The following PTPRD variants were observed in gnomAD, a reference collection of about 807,000 sequenced individuals.
PTPRD encodes the protein protein tyrosine phosphatase receptor type D.
Under a neutral mutation model 214.5 loss-of-function variants are expected in PTPRD, and 34 were observed. The ratio of observed to expected loss-of-function variants is 0.16; its 90% CI spans 0.12 to 0.21. The LOEUF (loss-of-function observed/expected upper bound fraction) is 0.21. Among genes scored for constraint, PTPRD ranks in the 10% least tolerant of loss-of-function variants. PTPRD has a pLI of 1.00. For synonymous variants in PTPRD, 1,128 were observed against 845.7 expected, an observed-to-expected ratio of 1.33 and a Z score of -5.79; for missense variants, 2,545 against 2,398.7, an observed-to-expected ratio of 1.06 and a Z score of -1.27.
chr9:9,638,413 A>G (rs1009469778), intron 7 of PTPRD, among the ~76,000 whole-genome samples: 1 of 152,230 alleles, frequency 6.6e-6, no homozygotes, highest in East Asian at 1.9e-4. Context: ...TTGCCACTTT[A>G]TAACTAGAAT....
intron 7 of PTPRD, among the ~76,000 whole-genome samples, chr9:9,604,665 C>T (rs2094022932): frequency 6.6e-6 from 1 of 152,062 alleles, no homozygotes; most frequent in African/African-American, 2.4e-5. Context: ...TTGAGTTTTA[C>T]ATAGCTCGTT....
rs2099431542 is a variant in PTPRD, at chr9:10,202,670, GGATATATATATA to G, written c.-545+138281_-545+138292del. On this transcript the variant is annotated intron_variant, in intron 3 of 45. Transcript: ENST00000381196. ...GGATGCCTACTTATAAAAATTATAT[GGATATATATATA>G]TATATATATATATATATGCACCAGT... Among the ~76,000 whole-genome samples, 4 of 40,136 alleles carry G rather than the reference GGATATATATATA, an allele frequency of 1.0e-4. 1 individual carries two copies. In the South Asian group the frequency reaches 3.6e-3, roughly 36 times the overall value. 26.3% of individuals were successfully genotyped at this position (40,136 alleles called of 152,430 possible).
At chr9:9,324,243 C>T (rs574279595) in intron 9 of PTPRD, among the ~76,000 whole-genome samples, 3 of 152,214 alleles carry the variant, frequency 2.0e-5, no homozygotes, top group South Asian at 4.1e-4. Flanking sequence ...TTTCTAGTTC[C>T]AGATCCTTGA....
At chr9:9,018,169 C>T (rs961950837) in intron 11 of PTPRD, among the ~76,000 whole-genome samples, 1 of 152,086 alleles carries the variant, frequency 6.6e-6, no homozygotes, top group African/African-American at 2.4e-5. Context: ...TCCCTCATAA[C>T]CATCCCAACA....
intron 11 of PTPRD, among the ~76,000 whole-genome samples, chr9:8,934,391 TTATG>T (rs2098974637): frequency 3.5e-5 from 3 of 86,590 alleles, no homozygotes; most frequent in African/African-American, 1.5e-4. Context: ...CAAATACTAA[TTATG>T]TGTGTGTGTG....
chr9:8,784,474 T>C (rs2095858978), intron 11 of PTPRD, among the ~76,000 whole-genome samples: 1 of 152,220 alleles, frequency 6.6e-6, no homozygotes, highest in Admixed American at 6.5e-5. Flanking sequence ...TTCCCAAGGA[T>C]CCTGGCATAG....
intron 30 of PTPRD, among the ~76,000 whole-genome samples, chr9:8,478,165 C>T (rs566695129): frequency 6.6e-6 from 1 of 152,180 alleles, no homozygotes; most frequent in Non-Finnish European, 1.5e-5. Context: ...ACCTACCTCA[C>T]AGGGTTATTG....
At chr9:9,775,367 C>T (rs982364945) in intron 5 of PTPRD, among the ~76,000 whole-genome samples, 1 of 152,112 alleles carries the variant, frequency 6.6e-6, no homozygotes, top group Non-Finnish European at 1.5e-5. Context: ...GATCAGGGTC[C>T]TAAATTCTTG....
chr9:9,847,605 C>T lies in PTPRD; in HGVS notation c.-367-80754G>A, dbSNP rs187204218. ...CCACTTTACAGGAAAACAAAACAAACCTTACTAGTTAGCTAAGTACTCTCA... is the reference window on the plus strand; with the variant it reads ...CCACTTTACAGGAAAACAAAACAAATCTTACTAGTTAGCTAAGTACTCTCA... On this transcript the variant is annotated intron_variant, in intron 5 of 45. Coordinates refer to ENST00000381196, the MANE Select transcript of PTPRD (RefSeq NM_002839.4). Among the ~76,000 whole-genome samples, 3 of 152,246 alleles carry T rather than the reference C, an allele frequency of 2.0e-5. No homozygotes were observed. In the East Asian group the frequency reaches 5.8e-4, roughly 29 times the overall value.
intron 10 of PTPRD, among the ~76,000 whole-genome samples, chr9:9,080,349 C>T (rs526675): frequency 0.63 from 95,099 of 151,306 alleles, 30,745 homozygotes; most frequent in Non-Finnish European, 0.71. Context: ...TAATTTAAAA[C>T]GGTTGTGCTC....
At chr9:9,307,391 C>G (rs1033182893) in intron 9 of PTPRD, among the ~76,000 whole-genome samples, 2 of 152,120 alleles carry the variant, frequency 1.3e-5, no homozygotes, top group Non-Finnish European at 2.9e-5. Context: ...CAGCCTCATC[C>G]AAGCCTAAAT....
At chr9:10,561,024 G>A (rs1483259110) in intron 2 of PTPRD, among the ~76,000 whole-genome samples, 1 of 152,158 alleles carries the variant, frequency 6.6e-6, no homozygotes, top group Non-Finnish European at 1.5e-5. Context: ...ATTTCGTAGT[G>A]AGCCTAAAGT....
intron 9 of PTPRD, among the ~76,000 whole-genome samples, chr9:9,186,727 G>C (rs2099931847): frequency 6.6e-6 from 1 of 151,038 alleles, no homozygotes; most frequent in Admixed American, 6.6e-5. Flanking sequence ...GGGAAGTTTT[G>C]AAGGCTCCAA....
At chr9:9,892,672 C>A (rs893905639) in intron 5 of PTPRD, among the ~76,000 whole-genome samples, 5 of 151,374 alleles carry the variant, frequency 3.3e-5, no homozygotes, top group Admixed American at 3.3e-4. Context: ...TGGTCAAAGA[C>A]AGACTTTGGT....
Position 8,830,802 on chromosome 9 carries a change from G to A in PTPRD, c.-103-96856C>T, listed in dbSNP as rs147592727. ...AATTTGGGGAAAGGGCATACGTGATGGTGAAATCATTGCTTAAAGAAATCC... is the reference window on the plus strand; with the variant it reads ...AATTTGGGGAAAGGGCATACGTGATAGTGAAATCATTGCTTAAAGAAATCC... On this transcript the variant is annotated intron_variant, in intron 11 of 45. Transcript: ENST00000381196. Among the ~76,000 whole-genome samples the A allele has an allele frequency of 4.5e-3, 683 of 152,180 alleles. 3 individuals are homozygous for A. The highest frequency in any genetic ancestry group is 4.7e-3 in the Non-Finnish European group (320 of 68,002).
At chr9:10,384,005 AG>A (rs1034345397) in intron 2 of PTPRD, among the ~76,000 whole-genome samples, 38 of 151,150 alleles carry the variant, frequency 2.5e-4, no homozygotes, top group African/African-American at 8.0e-4. Context: ...AGAGAGGAGA[AG>A]GATGGTTACC....
chr9:9,328,506 C>T (rs890899110), intron 9 of PTPRD, among the ~76,000 whole-genome samples: 1 of 150,598 alleles, frequency 6.6e-6, no homozygotes, highest in African/African-American at 2.4e-5. Flanking sequence ...TGGCTGGTAA[C>T]TTTAAATCTG....
chr9:10,100,658 A>T (rs1308332354), intron 3 of PTPRD, among the ~76,000 whole-genome samples: 1 of 151,626 alleles, frequency 6.6e-6, no homozygotes, highest in African/African-American at 2.4e-5. Context: ...AGAAATAAAA[A>T]TTTTCAAATA....
chr9:10,374,927 A>C (rs1423586965), intron 2 of PTPRD, among the ~76,000 whole-genome samples: 1 of 152,016 alleles, frequency 6.6e-6, no homozygotes, highest in East Asian at 1.9e-4. Context: ...ACTGCAGTGA[A>C]ACATTGGGTT....
Sources: allele counts gnomAD v4.1 joint callset (sites outside exome capture counted in the v4.1 genomes callset), GRCh38; gene constraint gnomAD v4.1.1; transcripts MANE v1.5; gene names NCBI Gene and HGNC (gene_info 2026-07-23, HGNC 2026-07-21).